Variants in SND1 observed in about 807,000 individuals in gnomAD.
SND1 encodes the protein staphylococcal nuclease and tudor domain containing 1.
In SND1, 38 loss-of-function variants were observed where a neutral mutation model predicts 121.7. The observed-to-expected ratio is 0.31, with a 90% CI of 0.24 to 0.41. SND1 has a LOEUF of 0.41. SND1 is among the 10% of genes least tolerant of loss of function. SND1 has a pLI of 1.00. For missense variants in SND1, 868 were observed against 1,184.6 expected (o/e 0.73, Z 3.92); for synonymous variants, 401 against 447.4 (o/e 0.90, Z 1.31).
chr7:127,690,685 T>C (rs533221337), intron 2 of SND1, among the ~76,000 whole-genome samples: 30 of 152,346 alleles, frequency 2.0e-4, no homozygotes, highest in African/African-American at 7.0e-4. Flanking sequence ...TGAATAAACA[T>C]TTAAATGAAT....
chr7:128,002,986 C>G (rs1431591220), intron 16 of SND1, among the ~76,000 whole-genome samples: 2 of 152,142 alleles, frequency 1.3e-5, no homozygotes, highest in African/African-American at 4.8e-5. Context: ...ACTTTGGAGG[C>G]CGAGGCAGGG....
chr7:127,844,453 C>T, intron 12 of SND1, 29 bp downstream of exon 12: 2 of 1,554,328 alleles, frequency 1.3e-6, no homozygotes, highest in Non-Finnish European at 1.8e-6. Context: ...ATGGACTCAG[C>T]TGTCATCTCA....
At chr7:128,090,507 C>T (rs914421464) in intron 22 of SND1, among the ~76,000 whole-genome samples, 2 of 152,198 alleles carry the variant, frequency 1.3e-5, no homozygotes, top group Admixed American at 1.3e-4. Context: ...TGGGGAAGCT[C>T]GGGCCCCCGA....
intron 16 of SND1, among the ~76,000 whole-genome samples, chr7:128,023,950 G>A (rs1277173855): frequency 2.6e-5 from 4 of 152,038 alleles, no homozygotes; most frequent in Non-Finnish European, 1.5e-5. Context: ...TATTTTTTAG[G>A]TGAAGAAACT....
chr7:128,016,860 A>G (rs954447121), intron 16 of SND1, among the ~76,000 whole-genome samples: 2 of 152,190 alleles, frequency 1.3e-5, no homozygotes, highest in African/African-American at 4.8e-5. Flanking sequence ...TGTCTGACCA[A>G]ATCTTAGTGA....
chr7:127,661,639 G>A (rs902192453), intron 1 of SND1, among the ~76,000 whole-genome samples: 1 of 152,086 alleles, frequency 6.6e-6, no homozygotes, highest in African/African-American at 2.4e-5. Flanking sequence ...TTATGATTAG[G>A]GGTCACATTT....
intron 12 of SND1, among the ~76,000 whole-genome samples, chr7:127,851,382 T>A (rs1799163105): frequency 6.6e-6 from 1 of 152,246 alleles, no homozygotes; most frequent in African/African-American, 2.4e-5. Flanking sequence ...TAACTTTTGC[T>A]TCATGTCTCA....
intron 14 of SND1, among the ~76,000 whole-genome samples, chr7:127,927,364 T>C (rs1800863065): frequency 6.6e-6 from 1 of 152,240 alleles, no homozygotes; most frequent in Non-Finnish European, 1.5e-5. Context: ...ATCAATTTGA[T>C]AATTGTTGTT....
At chr7:127,973,290 A>C (rs545463523) in intron 15 of SND1, among the ~76,000 whole-genome samples, 1 of 152,346 alleles carries the variant, frequency 6.6e-6, no homozygotes, top group African/African-American at 2.4e-5. Flanking sequence ...TAGAAATGTC[A>C]GAAATGGAGA....
chr7:127,972,720 C>T (rs996511551), intron 15 of SND1, among the ~76,000 whole-genome samples: 2 of 152,162 alleles, frequency 1.3e-5, no homozygotes, highest in African/African-American at 4.8e-5. Context: ...GCTGGGATTA[C>T]AGGTATGCAC....
chr7:127,778,667 A>C (rs1465652860), intron 10 of SND1, among the ~76,000 whole-genome samples: 2 of 152,146 alleles, frequency 1.3e-5, no homozygotes, highest in African/African-American at 4.8e-5. Context: ...TTGTCTGTAA[A>C]ACGGTAATAT....
chr7:127,701,464 G>T (rs1796099992), intron 5 of SND1, 141 bp downstream of exon 5: 1 of 803,024 alleles, frequency 1.2e-6, no homozygotes, highest in South Asian at 2.2e-5. Context: ...GGTTAAAACA[G>T]CACCTTAGTA....
intron 12 of SND1, among the ~76,000 whole-genome samples, chr7:127,869,768 A>G (rs1287620074): frequency 2.0e-5 from 3 of 152,126 alleles, no homozygotes; most frequent in Non-Finnish European, 4.4e-5. Context: ...AAGGTAGAAA[A>G]TTATTCAGTC....
At chr7:128,051,707 C>A (rs531356391) in intron 16 of SND1, among the ~76,000 whole-genome samples, 6 of 152,280 alleles carry the variant, frequency 3.9e-5, no homozygotes, top group African/African-American at 1.2e-4. Context: ...TAATGGAATT[C>A]ACTCGGGATG....
At chr7:127,752,901 A>G (rs1469277447) in intron 10 of SND1, among the ~76,000 whole-genome samples, 1 of 152,190 alleles carries the variant, frequency 6.6e-6, no homozygotes, top group Non-Finnish European at 1.5e-5. Flanking sequence ...CCCCTGGTAT[A>G]ATGCTTTTGT....
At chr7:127,722,489 AC>A (rs1172535484) in intron 10 of SND1, among the ~76,000 whole-genome samples, 1 of 151,286 alleles carries the variant, frequency 6.6e-6, no homozygotes, top group Non-Finnish European at 1.5e-5. Flanking sequence ...CAACTTATCT[AC>A]CTTTTTTTTA....
At chr7:128,018,035 CCT>C (rs1286414527) in intron 16 of SND1, among the ~76,000 whole-genome samples, 2 of 152,234 alleles carry the variant, frequency 1.3e-5, no homozygotes, top group Non-Finnish European at 2.9e-5. Context: ...CCGGGAGACC[CCT>C]CTGTCTCCTG....
chr7:127,753,823 A>G (rs1797146410), intron 10 of SND1, among the ~76,000 whole-genome samples: 2 of 152,170 alleles, frequency 1.3e-5, no homozygotes. Context: ...TGCCCAGCTA[A>G]TACAATTTTG....
At chr7:127,688,671 A>C (rs754416127) in intron 2 of SND1, among the ~76,000 whole-genome samples, 21 of 151,790 alleles carry the variant, frequency 1.4e-4, no homozygotes, top group Non-Finnish European at 2.8e-4. Context: ...GCAGTGCATC[A>C]TGATTGTGCC....
Sources: allele counts gnomAD v4.1 joint callset (sites outside exome capture counted in the v4.1 genomes callset), GRCh38; gene constraint gnomAD v4.1.1; transcripts MANE v1.5; gene names NCBI Gene and HGNC (gene_info 2026-07-23, HGNC 2026-07-21).